The following PDE4B variants were observed in gnomAD, a reference collection of about 807,000 sequenced individuals.
PDE4B encodes the protein 3',5'-cyclic-AMP phosphodiesterase 4B.
PDE4B carries 20 observed loss-of-function variants against 82.2 expected under a neutral mutation model. The observed-to-expected ratio is 0.24, with a 90% CI of 0.17 to 0.35. The LOEUF is 0.35. Ranked by LOEUF, PDE4B falls within the 10% of genes least tolerant of loss-of-function variation. PDE4B has a pLI of 1.00. For missense variants in PDE4B, 655 were observed against 907.2 expected, an observed-to-expected ratio of 0.72 and a Z score of 3.57; for synonymous variants, 320 against 318.9, an observed-to-expected ratio of 1.00 and a Z score of -0.04.
At chr1:65,888,800 A>G (rs1646820542) in intron 1 of PDE4B, among the ~76,000 whole-genome samples, 1 of 152,164 alleles carries the variant, frequency 6.6e-6, no homozygotes, top group Non-Finnish European at 1.5e-5. Context: ...TTGATATTAT[A>G]TCATGAAACT....
chr1:66,223,620 C>CTCCA (rs1177388506), intron 3 of PDE4B, among the ~76,000 whole-genome samples: 2 of 152,144 alleles, frequency 1.3e-5, no homozygotes, highest in African/African-American at 4.8e-5. Context: ...CCTTTCCTTG[C>CTCCA]TCCAACTGAC....
intron 7 of PDE4B, among the ~76,000 whole-genome samples, chr1:66,329,472 C>T (rs1659959715): frequency 6.6e-6 from 1 of 152,092 alleles, no homozygotes; most frequent in East Asian, 1.9e-4. Context: ...AACAAGGGGC[C>T]CTGCACTTTC....
intron 7 of PDE4B, among the ~76,000 whole-genome samples, chr1:66,309,223 C>A (rs1367535737): frequency 1.3e-5 from 2 of 152,130 alleles, no homozygotes; most frequent in African/African-American, 4.8e-5. Context: ...TTCTGCAATA[C>A]AAATATAAAT....
At chr1:66,037,190 T>A (rs1654114155) in intron 3 of PDE4B, among the ~76,000 whole-genome samples, 1 of 152,050 alleles carries the variant, frequency 6.6e-6, no homozygotes, top group African/African-American at 2.4e-5. Flanking sequence ...ATTGGGATTT[T>A]GATAAGGATT....
intron 3 of PDE4B, among the ~76,000 whole-genome samples, chr1:65,966,944 A>G (rs1649867596): frequency 6.6e-6 from 1 of 152,148 alleles, no homozygotes; most frequent in Non-Finnish European, 1.5e-5. Context: ...CTAGAAGAAA[A>G]CCTAGGCAAT....
At chr1:65,914,064 T>G (rs1489872063) in intron 2 of PDE4B, among the ~76,000 whole-genome samples, 2 of 152,206 alleles carry the variant, frequency 1.3e-5, no homozygotes, top group Non-Finnish European at 2.9e-5. Flanking sequence ...TTTAATTGTC[T>G]CATCTTTACC....
At chr1:65,913,003 T>C (rs561215809) in intron 1 of PDE4B, among the ~76,000 whole-genome samples, 13 of 152,344 alleles carry the variant, frequency 8.5e-5, no homozygotes, top group African/African-American at 2.6e-4. Flanking sequence ...GGGAGCCTAA[T>C]TGTTACTCAT....
intron 3 of PDE4B, among the ~76,000 whole-genome samples, chr1:66,029,760 A>C (rs952354753): frequency 6.6e-6 from 1 of 152,206 alleles, no homozygotes; most frequent in African/African-American, 2.4e-5. Context: ...ACATCTAGAC[A>C]TGCAATAATG....
At chr1:65,847,255 A>G (rs566916221) in intron 1 of PDE4B, among the ~76,000 whole-genome samples, 76 of 152,294 alleles carry the variant, frequency 5.0e-4, no homozygotes, top group African/African-American at 1.8e-3. Context: ...CCCCACAACA[A>G]CTTCATGAGG....
chr1:66,356,282 T>C (rs1488306029), intron 9 of PDE4B, among the ~76,000 whole-genome samples: 1 of 152,222 alleles, frequency 6.6e-6, no homozygotes, highest in Admixed American at 6.5e-5. Context: ...TAACACATGA[T>C]TTGCTGACCA....
chr1:66,209,584 G>T (rs973412233), intron 3 of PDE4B, among the ~76,000 whole-genome samples: 1 of 152,090 alleles, frequency 6.6e-6, no homozygotes, highest in African/African-American at 2.4e-5. Flanking sequence ...GATACATTTG[G>T]TAAGATTTGA....
chr1:66,141,138 T>A (rs984040905), intron 3 of PDE4B, among the ~76,000 whole-genome samples: 2 of 151,886 alleles, frequency 1.3e-5, no homozygotes, highest in East Asian at 3.9e-4. Flanking sequence ...AAATTTACTC[T>A]TCAATCATTT....
chr1:65,945,238 A>G (rs1247144627), intron 3 of PDE4B, among the ~76,000 whole-genome samples: 2 of 151,768 alleles, frequency 1.3e-5, no homozygotes, highest in African/African-American at 4.8e-5. Context: ...TCCATTACAT[A>G]TTTTTCTATT....
At chr1:65,843,617 T>C (rs2101354772) in intron 1 of PDE4B, among the ~76,000 whole-genome samples, 1 of 152,286 alleles carries the variant, frequency 6.6e-6, no homozygotes, top group East Asian at 1.9e-4. Context: ...TTTAAGTATA[T>C]ATATATGCGT....
chr1:65,923,272 T>C (rs1314247333), intron 3 of PDE4B, among the ~76,000 whole-genome samples: 1 of 152,226 alleles, frequency 6.6e-6, no homozygotes. Flanking sequence ...AAATAGTTAC[T>C]GATCTATAGG....
intron 3 of PDE4B, among the ~76,000 whole-genome samples, chr1:66,071,287 G>A (rs1252276086): frequency 1.3e-5 from 2 of 151,892 alleles, no homozygotes; most frequent in Admixed American, 1.3e-4. Context: ...AAACATGAAG[G>A]AGTTACTATT....
At chr1:66,293,484 C>A (rs1187032492) in intron 7 of PDE4B, among the ~76,000 whole-genome samples, 1 of 151,312 alleles carries the variant, frequency 6.6e-6, no homozygotes, top group South Asian at 2.1e-4. Flanking sequence ...TTGCATGTAC[C>A]GTACTGAGTT....
intron 3 of PDE4B, among the ~76,000 whole-genome samples, chr1:66,126,795 C>G (rs1645833271): frequency 6.6e-6 from 1 of 152,082 alleles, no homozygotes; most frequent in Admixed American, 6.5e-5. Flanking sequence ...ATTACAAAAG[C>G]AAAAATACTA....
At chr1:65,965,686 C>T (rs1649780878) in intron 3 of PDE4B, among the ~76,000 whole-genome samples, 1 of 152,028 alleles carries the variant, frequency 6.6e-6, no homozygotes, top group African/African-American at 2.4e-5. Context: ...ACATTTTATT[C>T]AACTTTTGCC....
Sources: gnomAD v4.1 joint callset for allele counts (sites outside exome capture counted in the v4.1 genomes callset) on GRCh38, gnomAD v4.1.1 for gene constraint, MANE v1.5 for transcripts, NCBI Gene and HGNC (gene_info 2026-07-23, HGNC 2026-07-21) for gene names.